AAR2: variants seen among roughly 807,000 people sequenced by gnomAD.
AAR2 encodes protein AAR2 homolog.
AAR2 carries 31 observed loss-of-function variants against 26.9 expected under a neutral mutation model. That is an observed-to-expected ratio of 1.15 (90% CI 0.86 to 1.55). The LOEUF is 1.55. Among genes scored for constraint, AAR2 ranks in the 40% most tolerant of loss-of-function variants. AAR2 has a pLI of 0.00. For synonymous variants in AAR2, 188 were observed against 196.1 expected (o/e 0.96, Z 0.34); for missense variants, 430 against 491.3 (o/e 0.88, Z 1.18).
At chr20:36,244,421 C>T (rs2064713530) in intron 2 of AAR2, among the ~76,000 whole-genome samples, 1 of 152,202 alleles carries the variant, frequency 6.6e-6, no homozygotes, top group Admixed American at 6.5e-5. Context: ...AAATGCCAGG[C>T]AAATACTGGG....
chr20:36,242,143 CTTTTTTTTTT>C (rs11333425), intron 2 of AAR2, among the ~76,000 whole-genome samples: 4 of 102,066 alleles, frequency 3.9e-5, no homozygotes, highest in East Asian at 2.6e-4. Flanking sequence ...TGTAGGACTT[CTTTTTTTTTT>C]TTTTTTTTTT....
At position 36,240,334 on chromosome 20, in the gene AAR2, T is replaced by C. The variant is rs773445065; in HGVS notation, c.466T>C (p.Cys156Arg). The C allele has an allele frequency of 6.2e-7, 1 of 1,614,224 alleles. No individual in the cohort carries two copies. The highest frequency in any genetic ancestry group is 1.1e-5 in the South Asian group (1 of 91,086). The change falls in exon 2 of 4, where the codon TGT becomes CGT. Residue 156 changes from cysteine to arginine, a missense_variant. Physicochemically the swap from Cys to Arg is radical, Grantham distance 180 (BLOSUM62 -3). Coordinates refer to ENST00000320849, the MANE Select transcript of AAR2 (RefSeq NM_001271874.2). ...GCTACAGCCCGAGAATCGACAGATC[T>C]GTGCCTTTTCCGATGTGCTACCTGT... ...EKLQPENRQI[C>R]AFSDVLPVLS...
In AAR2 at chr20:36,255,323, G is replaced by T. The variant is rs998955804; in HGVS notation, c.988-255G>T. Among the ~76,000 whole-genome samples, 6 of 152,334 alleles carry T rather than the reference G, an allele frequency of 3.9e-5. No homozygotes were observed. In the South Asian group the frequency reaches 1.2e-3, roughly 32 times the overall value. ...CCGGGTGTCCAGTAGAACCCCCCAGGGGGTGGAGCCAGGGTAATGGCCCCC... is the reference window on the plus strand; with the variant it reads ...CCGGGTGTCCAGTAGAACCCCCCAGTGGGTGGAGCCAGGGTAATGGCCCCC... On this transcript the variant is annotated intron_variant, in intron 3 of 3. Transcript: ENST00000320849.
chr20:36,255,715 G>A lies in AAR2; in HGVS notation c.1125G>A (p.Val375=), dbSNP rs754070828. The change falls in exon 4 of 4, where the codon GTG becomes GTA. Residue 375 remains valine (V), a synonymous_variant. Transcript: ENST00000320849. The stretch of plus-strand genomic sequence containing the variant: ...CTGAGGACTGTGCCCCGGTGGTGGT[G>A]GAGCTCCCTGAGGGCATCGAGATGG... ...AEPEDCAPVV[V]ELPEGIEMG 1 of 1,614,086 alleles carries A rather than the reference G, an allele frequency of 6.2e-7. No homozygotes were observed. Among genetic ancestry groups the A allele is most frequent in the Non-Finnish European group, 8.5e-7 (1 of 1,180,024 alleles).
chr20:36,238,780 C>T (rs974801712), intron 1 of AAR2, among the ~76,000 whole-genome samples: 5 of 144,486 alleles, frequency 3.5e-5, no homozygotes, highest in Non-Finnish European at 4.6e-5. Context: ...AAAAAGTAAA[C>T]AATTAAACAG....
Position 36,255,892 on chromosome 20 carries a change from T to A in AAR2, c.*147T>A. 1 of 1,037,652 alleles carries A rather than the reference T, an allele frequency of 9.6e-7. No homozygotes were observed. Among genetic ancestry groups the A allele is most frequent in the Non-Finnish European group, 1.4e-6 (1 of 734,168 alleles). 64.3% of individuals were successfully genotyped at this position (1,037,652 alleles called of 1,614,324 possible). On this transcript the variant is annotated 3_prime_UTR_variant, in exon 4 of 4. Transcript: ENST00000320849. ...ATGGAGCCAGAATTCCCTTTTTCAC[T>A]GATAAATATATTTCTTCATTGCCAA...
Position 36,240,589 on chromosome 20 carries a change from A to G in AAR2, c.721A>G (p.Asn241Asp). ...DLSYALETVLNKQFPSSPQDV... is the reference protein window; with the variant it reads ...DLSYALETVLDKQFPSSPQDV... ...GAGCTATGCCCTGGAGACTGTGCTC[A>G]ACAAGCAGTTCCCCAGCAGCCCCCA... The change falls in exon 2 of 4, where the codon AAC (asparagine) becomes GAC (aspartate). Residue 241 changes from asparagine to aspartate, a missense_variant. Physicochemically the swap from Asn to Asp is conservative, Grantham distance 23. Transcript: ENST00000320849. The G allele has an allele frequency of 6.2e-7, 1 of 1,612,570 alleles. No individual in the cohort carries two copies. The highest frequency in any genetic ancestry group is 8.5e-7 in the Non-Finnish European group (1 of 1,179,386).
At chr20:36,245,849 C>T (rs762253119) in intron 3 of AAR2, among the ~76,000 whole-genome samples, 3 of 152,070 alleles carry the variant, frequency 2.0e-5, no homozygotes, top group Non-Finnish European at 4.4e-5. Context: ...AGTGAGACCC[C>T]GTCTCTCCAA....
chr20:36,237,487 C>T (rs1298359694), intron 1 of AAR2, among the ~76,000 whole-genome samples: 1 of 152,102 alleles, frequency 6.6e-6, no homozygotes, highest in Non-Finnish European at 1.5e-5. Flanking sequence ...GGCTGGTAGA[C>T]TGCAGAGTTC....
intron 3 of AAR2, among the ~76,000 whole-genome samples, chr20:36,251,195 C>CAAAA (rs36018770): frequency 7.3e-6 from 1 of 136,748 alleles, no homozygotes. Context: ...GACCCTATCT[C>CAAAA]AAAAAAAAAA....
At chr20:36,251,452 G>T (rs1013540742) in intron 3 of AAR2, among the ~76,000 whole-genome samples, 8 of 152,154 alleles carry the variant, frequency 5.3e-5, no homozygotes, top group Non-Finnish European at 5.9e-5. Context: ...CCCAGACTAT[G>T]CCCTGTGTCC....
At chr20:36,246,884 A>T (rs1384574263) in intron 3 of AAR2, among the ~76,000 whole-genome samples, 5 of 152,202 alleles carry the variant, frequency 3.3e-5, no homozygotes, top group African/African-American at 1.2e-4. Context: ...CAAAACAAAA[A>T]ACACATGTCT....
chr20:36,249,155 C>T (rs1029053524), intron 3 of AAR2, among the ~76,000 whole-genome samples: 1 of 152,166 alleles, frequency 6.6e-6, no homozygotes, highest in Non-Finnish European at 1.5e-5. Flanking sequence ...ATAAAATCAG[C>T]CGCGTAATGG....
chr20:36,255,694 G>C lies in AAR2; in HGVS notation c.1104G>C (p.Glu368Asp). The change falls in exon 4 of 4, where the codon GAG (glutamate) becomes GAC (aspartate). Residue 368 changes from glutamate (E) to aspartate (D), a missense_variant. Coordinates refer to ENST00000320849, the MANE Select transcript of AAR2 (RefSeq NM_001271874.2). ...KFRWDFAAEP[E>D]DCAPVVVELP... ...GGTGGGACTTTGCTGCGGAACCTGA[G>C]GACTGTGCCCCGGTGGTGGTGGAGC... 1 of 1,614,128 alleles carries C rather than the reference G, an allele frequency of 6.2e-7. No individual in the cohort carries two copies. Among genetic ancestry groups the C allele is most frequent in the South Asian group, 1.1e-5 (1 of 91,064 alleles).
rs1395708568 is a variant in AAR2 at position 36,248,337 on chromosome 20, CT to C, written c.987+3427del. Among the ~76,000 whole-genome samples, 1,312 of 139,594 alleles carry C rather than the reference CT, an allele frequency of 9.4e-3. 5 individuals are homozygous for C. The highest frequency in any genetic ancestry group is 0.02 in the African/African-American group (765 of 38,228). 91.6% of individuals were successfully genotyped at this position (139,594 alleles called of 152,430 possible). A position where few individuals can be genotyped will look rare whatever the true frequency, so the allele number is the denominator to read the frequency against. On this transcript the variant is annotated intron_variant, in intron 3 of 3. Transcript: ENST00000320849. ...TTCATCTGGTTATCTTCTTCTTCTT[CT>C]TTTTTTTTTTTTTTTGAGACATAGT...
chr20:36,255,959 A>G lies in AAR2; in HGVS notation c.*214A>G. 1 of 635,608 alleles carries G rather than the reference A, an allele frequency of 1.6e-6. No homozygotes were observed. Among genetic ancestry groups the G allele is most frequent in the Non-Finnish European group, 2.6e-6 (1 of 384,728 alleles). The allele number at this position is 635,608 out of a possible 1,614,324, so 39.4% of individuals were successfully genotyped here. A position where few individuals can be genotyped will look rare whatever the true frequency, so the allele number is the denominator to read the frequency against. On this transcript the variant is annotated 3_prime_UTR_variant, in exon 4 of 4. Coordinates refer to ENST00000320849, the MANE Select transcript of AAR2 (RefSeq NM_001271874.2). ...CTGAAGGCACATTTGTGGGTTCCCCATCAGCCAGGCCTTGGTGCTAACCTG... is the reference window on the plus strand; with the variant it reads ...CTGAAGGCACATTTGTGGGTTCCCCGTCAGCCAGGCCTTGGTGCTAACCTG...
chr20:36,251,261 C>A (rs944342602), intron 3 of AAR2, among the ~76,000 whole-genome samples: 1 of 151,760 alleles, frequency 6.6e-6, no homozygotes, highest in African/African-American at 2.4e-5. Context: ...CTTGGGATGC[C>A]GAGGCAAGAG....
At chr20:36,241,150 A>G (rs2064677225) in intron 2 of AAR2, among the ~76,000 whole-genome samples, 1 of 152,196 alleles carries the variant, frequency 6.6e-6, no homozygotes, top group Non-Finnish European at 1.5e-5. Context: ...TAAAAGAAAA[A>G]CAAAATTTAC....
chr20:36,237,752 ATTAT>A (rs1569422305), intron 1 of AAR2, among the ~76,000 whole-genome samples: 2 of 61,102 alleles, frequency 3.3e-5, no homozygotes, highest in African/African-American at 1.9e-4. Flanking sequence ...GATGATACGT[ATTAT>A]TATTATTATT....
Sources: gnomAD v4.1 joint callset for allele counts (sites outside exome capture counted in the v4.1 genomes callset) on GRCh38, gnomAD v4.1.1 for gene constraint, MANE v1.5 for transcripts, NCBI Gene and HGNC (gene_info 2026-07-23, HGNC 2026-07-21) for gene names.